BCHE: variants seen among roughly 807,000 people sequenced by gnomAD.
BCHE encodes the protein butyrylcholinesterase.
A neutral mutation model predicts 51.3 loss-of-function variants in BCHE; 48 were observed. That is an observed-to-expected ratio of 0.94 (90% CI 0.74 to 1.19). The LOEUF (loss-of-function observed/expected upper bound fraction) is 1.19. BCHE is among the 50% of genes most tolerant of loss of function. The pLI, the probability that BCHE is intolerant of heterozygous loss-of-function variation, is 0.00. For synonymous variants in BCHE, 251 were observed against 238.0 expected (o/e 1.05, Z -0.50); for missense variants, 847 against 708.2 (o/e 1.20, Z -2.23).
At position 165,829,659 on chromosome 3, in the gene BCHE, G is replaced by T. The variant is rs776827931; in HGVS notation, c.1375C>A (p.Pro459Thr). ...FEHRSSKLPW[P>T]EWMGVMHGYE... is the part of the protein sequence containing the mutation. ...CCATGCATCACTCCCATCCATTCTG[G>T]CCACGGAAGTTTGGAGGATCGGTGT... The change falls in exon 2 of 4, where the codon CCA becomes ACA. Residue 459 changes from proline (P) to threonine (T), a missense_variant. Transcript: ENST00000264381. 1.2e-6 allele frequency: 2 copies of T among 1,613,746 alleles called. No individual in the cohort carries two copies. Among genetic ancestry groups the T allele is most frequent in the Admixed American group, 1.7e-5 (1 of 59,938 alleles).
intron 2 of BCHE, chr3:165,828,031 G>C (rs923477038): frequency 6.6e-6 from 3 of 455,994 alleles, no homozygotes; most frequent in Admixed American, 4.7e-5. Context: ...CACAGGTTCT[G>C]TTTCAAGAAC....
intron 2 of BCHE, among the ~76,000 whole-genome samples, chr3:165,788,026 AG>A (rs1402384697): frequency 6.6e-6 from 1 of 152,070 alleles, no homozygotes; most frequent in Non-Finnish European, 1.5e-5. Context: ...ATTTTCTAAA[AG>A]TTCAACACAA....
At chr3:165,807,238 TATA>T (rs1191797273) in intron 2 of BCHE, among the ~76,000 whole-genome samples, 2 of 151,984 alleles carry the variant, frequency 1.3e-5, no homozygotes, top group Non-Finnish European at 2.9e-5. Context: ...ATAATTGAAT[TATA>T]ATGTTTGTCT....
chr3:165,831,100 T>C, intron 1 of BCHE, 59 bp from the exon 2 acceptor site: 1 of 1,384,928 alleles, frequency 7.2e-7, no homozygotes, highest in Non-Finnish European at 9.9e-7. Flanking sequence ...TATTATACTT[T>C]ATTGATGATA....
chr3:165,829,578 T>C lies in BCHE; in HGVS notation c.1456A>G (p.Lys486Glu), dbSNP rs1208331494. The change falls in exon 2 of 4, where the codon AAA becomes GAA. Residue 486 changes from lysine (K) to glutamate (E), a missense_variant. Coordinates refer to ENST00000264381, the MANE Select transcript of BCHE (RefSeq NM_000055.4). ...LPLERRDNYT[K>E]AEEILSRSIV... Reference sequence around the variant, plus strand: ...GATCTACTCAAAATTTCCTCGGCTTTTGTGTAATTATCTCTTCTTTCCAGA... The same window carrying C: ...GATCTACTCAAAATTTCCTCGGCTTCTGTGTAATTATCTCTTCTTTCCAGA... 6.2e-7 allele frequency: 1 copy of C among 1,613,828 alleles called. No individual in the cohort carries two copies. The highest frequency in any genetic ancestry group is 1.1e-5 in the South Asian group (1 of 91,084).
intron 2 of BCHE, among the ~76,000 whole-genome samples, chr3:165,822,749 T>G (rs548021785): frequency 6.6e-6 from 1 of 152,192 alleles, no homozygotes; most frequent in Non-Finnish European, 1.5e-5. Flanking sequence ...GGTTTTGAAA[T>G]AATGATAACT....
intron 2 of BCHE, among the ~76,000 whole-genome samples, chr3:165,796,084 C>CAGCACTAATAAAGGGGAACAA (rs1190431812): frequency 8.6e-5 from 13 of 151,864 alleles, no homozygotes; most frequent in African/African-American, 2.7e-4. Flanking sequence ...TATTTTCATC[C>CAGCACTAATAAAGGGGAACAA]AGCACTAATA....
rs949290369 is a variant in BCHE at position 165,773,289 on chromosome 3, A to G, written c.*93T>C. The G allele has an allele frequency of 3.2e-6, 4 of 1,244,282 alleles. No individual in the cohort carries two copies. The South Asian group carries it at 4.0e-5, about 12-fold the overall frequency. 77.1% of individuals were successfully genotyped at this position (1,244,282 alleles called of 1,614,324 possible). ...CTTCTGGCATTTTTGTTTCAGCTAC[A>G]TAATAACTTTTTTAGTAGGTGTGTA... On this transcript the variant is annotated 3_prime_UTR_variant, in exon 4 of 4. Coordinates refer to ENST00000264381, the MANE Select transcript of BCHE (RefSeq NM_000055.4).
chr3:165,829,431 T>C, intron 2 of BCHE, 86 bp downstream of exon 2: 1 of 1,148,536 alleles, frequency 8.7e-7, no homozygotes. Context: ...TGTGTCTTTA[T>C]ACTAAAGTCT....
intron 2 of BCHE, among the ~76,000 whole-genome samples, chr3:165,815,594 T>A (rs184409757): frequency 1.7e-3 from 264 of 152,238 alleles, no homozygotes; most frequent in African/African-American, 6.2e-3. Context: ...ATTGATGTAA[T>A]TTTTAATATT....
intron 2 of BCHE, among the ~76,000 whole-genome samples, chr3:165,798,486 C>G (rs1713509489): frequency 6.6e-6 from 1 of 152,060 alleles, no homozygotes; most frequent in Non-Finnish European, 1.5e-5. Context: ...CACTATAATT[C>G]TTTGAAAGAG....
At chr3:165,831,903 T>G (rs1715003291) in intron 1 of BCHE, among the ~76,000 whole-genome samples, 1 of 152,184 alleles carries the variant, frequency 6.6e-6, no homozygotes, top group Admixed American at 6.6e-5. Context: ...TTATACTCAG[T>G]ATTACTCAAT....
Position 165,773,340 on chromosome 3 carries a change from G to A in BCHE, c.*42C>T. ...AAAAAGCTCCTGATATTTTTGCCTT[G>A]ATCTAAAGGAAAATATGTTCTATAA... On this transcript the variant is annotated 3_prime_UTR_variant, in exon 4 of 4. Transcript: ENST00000264381. 1 of 1,579,676 alleles carries A rather than the reference G, an allele frequency of 6.3e-7. No individual in the cohort carries two copies. The highest frequency in any genetic ancestry group is 8.6e-7 in the Non-Finnish European group (1 of 1,156,436).
intron 3 of BCHE, among the ~76,000 whole-genome samples, chr3:165,781,422 G>A (rs1712693835): frequency 6.6e-6 from 1 of 152,134 alleles, no homozygotes; most frequent in African/African-American, 2.4e-5. Flanking sequence ...ATGAGATAAT[G>A]TCCTTTGCAG....
chr3:165,830,466 C>G lies in BCHE; in HGVS notation c.568G>C (p.Ala190Pro), dbSNP rs1360332028. Residue 190 changes from alanine (A) to proline (P), a missense_variant, in exon 2 of 4, where the codon GCT becomes CCT. Coordinates refer to ENST00000264381, the MANE Select transcript of BCHE (RefSeq NM_000055.4). The part of the protein sequence containing the change: ...GFLALPGNPE[A>P]PGNMGLFDQQ... ...TCAAATAAACCCATGTTCCCTGGAGCCTCAGGATTTCCTGGCAAAGCTAAG... is the reference window on the plus strand; with the variant it reads ...TCAAATAAACCCATGTTCCCTGGAGGCTCAGGATTTCCTGGCAAAGCTAAG... 6.2e-7 allele frequency: 1 copy of G among 1,613,576 alleles called. No homozygotes were observed. The highest frequency in any genetic ancestry group is 1.7e-5 in the Admixed American group (1 of 59,892).
At chr3:165,818,481 A>G (rs1200082582) in intron 2 of BCHE, among the ~76,000 whole-genome samples, 1 of 152,150 alleles carries the variant, frequency 6.6e-6, no homozygotes, top group African/African-American at 2.4e-5. Flanking sequence ...CAAAAATTAA[A>G]AATTAAAAAA....
intron 2 of BCHE, among the ~76,000 whole-genome samples, chr3:165,812,551 T>C (rs1035871858): frequency 3.8e-4 from 57 of 151,986 alleles, no homozygotes; most frequent in Non-Finnish European, 7.5e-4. Context: ...TATAATCACA[T>C]CTTTATTTCA....
At chr3:165,817,176 A>G (rs1461346678) in intron 2 of BCHE, among the ~76,000 whole-genome samples, 1 of 151,964 alleles carries the variant, frequency 6.6e-6, no homozygotes, top group Non-Finnish European at 1.5e-5. Flanking sequence ...ATTCTCTTAT[A>G]TTCCACATCC....
chr3:165,775,308 T>C (rs1712422354), intron 3 of BCHE, among the ~76,000 whole-genome samples: 1 of 151,954 alleles, frequency 6.6e-6, no homozygotes, highest in Non-Finnish European at 1.5e-5. Context: ...AAAGTTTACA[T>C]AAAGTGTTTC....
Sources: allele counts gnomAD v4.1 joint callset (sites outside exome capture counted in the v4.1 genomes callset), GRCh38; gene constraint gnomAD v4.1.1; transcripts MANE v1.5; gene names NCBI Gene and HGNC (gene_info 2026-07-23, HGNC 2026-07-21).